Variants in NF1 observed in about 807,000 individuals in gnomAD.
NF1 encodes the protein neurofibromin 1, also known as neurofibromin.
Under a neutral mutation model 325.7 loss-of-function variants are expected in NF1, and 122 were observed. The observed-to-expected ratio is 0.37, with a 90% CI of 0.32 to 0.44. NF1 has a LOEUF of 0.44. NF1 is among the 20% of genes least tolerant of loss of function. The pLI is 1.00. For missense variants in NF1, 2,140 were observed against 3,415.4 expected, an observed-to-expected ratio of 0.63 and a Z score of 9.31; for synonymous variants, 1,091 against 1,186.0, an observed-to-expected ratio of 0.92 and a Z score of 1.65.
chr17:31,108,414 C>G (rs1203668748), intron 1 of NF1, among the ~76,000 whole-genome samples: 1 of 151,806 alleles, frequency 6.6e-6, no homozygotes, highest in Non-Finnish European at 1.5e-5. Flanking sequence ...GCTGAGATCA[C>G]AGGTGCACAC....
At chr17:31,224,874 T>G (rs892970787) in intron 16 of NF1, among the ~76,000 whole-genome samples, 13 of 152,198 alleles carry the variant, frequency 8.5e-5, no homozygotes, top group African/African-American at 2.7e-4. Context: ...ATCTACTGTT[T>G]CTGATGATTT....
intron 12 of NF1, among the ~76,000 whole-genome samples, chr17:31,206,896 C>T (rs749843919): frequency 2.6e-5 from 4 of 152,096 alleles, no homozygotes; most frequent in Non-Finnish European, 5.9e-5. Context: ...AACTTTGATA[C>T]TGACATTTGA....
intron 38 of NF1, among the ~76,000 whole-genome samples, chr17:31,328,220 T>TG (rs1381676766): frequency 1.3e-5 from 2 of 152,240 alleles, no homozygotes; most frequent in African/African-American, 2.4e-5. Context: ...GAAGGCCTAA[T>TG]GTTCAATAAC....
chr17:31,217,847 C>G (rs1188869595), intron 13 of NF1, among the ~76,000 whole-genome samples: 1 of 150,774 alleles, frequency 6.6e-6, no homozygotes, highest in Non-Finnish European at 1.5e-5. Flanking sequence ...TGCCTGTAAT[C>G]CCAGCTACTC....
intron 27 of NF1, 27 bp from the exon 28 acceptor site, chr17:31,235,584 A>C: frequency 1.1e-5 from 17 of 1,613,292 alleles, no homozygotes; most frequent in Non-Finnish European, 1.4e-5. Context: ...GATTGTTTGC[A>C]CTAACCTGAT....
intron 35 of NF1, among the ~76,000 whole-genome samples, chr17:31,264,405 C>T (rs1356697681): frequency 6.7e-6 from 1 of 149,404 alleles, no homozygotes; most frequent in East Asian, 1.9e-4. Flanking sequence ...GAGCAAAACT[C>T]CATCTCAAAA....
At chr17:31,308,902 A>G (rs144994649) in intron 36 of NF1, among the ~76,000 whole-genome samples, 22 of 152,318 alleles carry the variant, frequency 1.4e-4, no homozygotes, top group African/African-American at 4.6e-4. Context: ...ACATTTTCCT[A>G]TACCTACTTC....
At chr17:31,247,498 T>G (rs1282638975) in intron 29 of NF1, among the ~76,000 whole-genome samples, 1 of 152,192 alleles carries the variant, frequency 6.6e-6, no homozygotes, top group Non-Finnish European at 1.5e-5. Flanking sequence ...TGTCTAACCT[T>G]AGTAGGAACT....
intron 1 of NF1, among the ~76,000 whole-genome samples, chr17:31,110,047 C>G (rs1913269323): frequency 6.6e-6 from 1 of 152,102 alleles, no homozygotes; most frequent in Non-Finnish European, 1.5e-5. Context: ...GTTAAAAGTA[C>G]AGATTTCCTG....
At chr17:31,138,055 G>A (rs979443507) in intron 1 of NF1, 3 of 151,864 alleles carry the variant, frequency 2.0e-5, no homozygotes, top group African/African-American at 7.3e-5. Context: ...GTCTTACTTA[G>A]TTTAGAGACT....
Position 31,249,104 on chromosome 17 carries a change from C to T in NF1, c.4095C>T (p.Cys1365=), listed in dbSNP as rs1060503922. 3 of 1,613,940 alleles carry T rather than the reference C, an allele frequency of 1.9e-6. No homozygotes were observed. The highest frequency in any genetic ancestry group is 2.5e-6 in the Non-Finnish European group (3 of 1,179,916). Reference sequence around the variant, plus strand: ...TCCCCCCTCAACTTCGAAGTGTGTGCCACTGTTTATACCAGGTATGCTTAC... The same window carrying T: ...TCCCCCCTCAACTTCGAAGTGTGTGTCACTGTTTATACCAGGTATGCTTAC... ...SEFPPQLRSV[C]HCLYQATCHS... The change falls in exon 30 of 58, where the codon TGC becomes TGT. Residue 1365 remains cysteine, a synonymous_variant. Coordinates refer to ENST00000358273, the MANE Select transcript of NF1 (RefSeq NM_001042492.3).
chr17:31,331,642 T>G (rs777410136), intron 39 of NF1: 1 of 152,130 alleles, frequency 6.6e-6, no homozygotes. Flanking sequence ...TTAAATCATT[T>G]AATAAATGAG....
chr17:31,268,099 G>A (rs2067823039), intron 36 of NF1, among the ~76,000 whole-genome samples: 1 of 152,166 alleles, frequency 6.6e-6, no homozygotes, highest in South Asian at 2.1e-4. Flanking sequence ...TCGGTTTTGT[G>A]TTCAACTCTT....
At chr17:31,176,540 T>G (rs2066026337) in intron 5 of NF1, among the ~76,000 whole-genome samples, 1 of 152,222 alleles carries the variant, frequency 6.6e-6, no homozygotes, top group African/African-American at 2.4e-5. Context: ...TTTTGGCATT[T>G]GTTGTCATTG....
chr17:31,225,308 T>C, intron 17 of NF1, 58 bp downstream of exon 17: 4 of 1,587,004 alleles, frequency 2.5e-6, no homozygotes, highest in Non-Finnish European at 3.5e-6. Flanking sequence ...GTTTTCTGAA[T>C]GAAATTTGGT....
chr17:31,286,663 G>GAGT (rs2068233511), intron 36 of NF1, among the ~76,000 whole-genome samples: 1 of 152,174 alleles, frequency 6.6e-6, no homozygotes, highest in Non-Finnish European at 1.5e-5. Context: ...GAATACAGAT[G>GAGT]AGTATTTAAT....
At chr17:31,328,200 C>T (rs17885030) in intron 38 of NF1, among the ~76,000 whole-genome samples, 75,845 of 152,016 alleles carry the variant, frequency 0.5, 20,692 homozygotes, top group Non-Finnish European at 0.62. Context: ...CAGATTATTG[C>T]TTTACAAAAG....
intron 4 of NF1, 147 bp downstream of exon 4, chr17:31,163,523 C>T (rs976919060): frequency 5.0e-5 from 40 of 794,252 alleles, no homozygotes; most frequent in Non-Finnish European, 7.9e-5. Flanking sequence ...CAGCTTTGAC[C>T]TCCCAGGCTT....
chr17:31,370,963 T>C (rs2070625348), intron 57 of NF1, among the ~76,000 whole-genome samples: 1 of 151,918 alleles, frequency 6.6e-6, no homozygotes, highest in African/African-American at 2.4e-5. Context: ...TTTGAGGAAA[T>C]GGAAGGTCAA....
Sources: allele counts gnomAD v4.1 joint callset (sites outside exome capture counted in the v4.1 genomes callset), GRCh38; gene constraint gnomAD v4.1.1; transcripts MANE v1.5; gene names NCBI Gene and HGNC (gene_info 2026-07-23, HGNC 2026-07-21).